Variants in MID1 observed in about 807,000 individuals in gnomAD.
The protein encoded by MID1 is midline 1.
MID1 carries 7 observed loss-of-function variants against 40.4 expected under a neutral mutation model. That is an observed-to-expected ratio of 0.17 (90% CI 0.10 to 0.33). The LOEUF (loss-of-function observed/expected upper bound fraction) is 0.33, where lower values mean the gene tolerates loss of function less well. Among genes scored for constraint, MID1 ranks in the 10% least tolerant of loss-of-function variants. The probability of loss-of-function intolerance (pLI) is 1.00; values close to 1 mark genes in which losing one functional copy is unlikely to be tolerated. For missense variants in MID1, 367 were observed against 558.5 expected (o/e 0.66, Z 3.46); for synonymous variants, 229 against 221.2 (o/e 1.04, Z -0.31).
chrX:10,648,999 C>A (rs187093574), intron 1 of MID1, among the ~76,000 whole-genome samples: 2 of 112,079 alleles, frequency 1.8e-5, no homozygotes, highest in African/African-American at 3.2e-5. Flanking sequence ...AAGTTCACAA[C>A]TTTGTTCATG....
intron 1 of MID1, among the ~76,000 whole-genome samples, chrX:10,676,749 AG>A (rs1401520684): frequency 9.0e-6 from 1 of 111,304 alleles, no homozygotes; most frequent in South Asian, 3.8e-4. Context: ...GAGGGGTGGA[AG>A]GGGGGTGTTT....
intron 1 of MID1, among the ~76,000 whole-genome samples, chrX:10,608,521 T>C (rs1209478126): frequency 1.8e-5 from 2 of 112,160 alleles, no homozygotes; most frequent in African/African-American, 6.5e-5. Flanking sequence ...GTTTATATTC[T>C]TGAAGTAGCA....
chrX:10,607,864 C>A (rs149374657), intron 1 of MID1, among the ~76,000 whole-genome samples: 3 of 112,020 alleles, frequency 2.7e-5, no homozygotes, highest in Non-Finnish European at 5.6e-5. Flanking sequence ...AACACAGTTT[C>A]TTTTTTGCTC....
At chrX:10,698,037 C>T (rs1407908731) in intron 1 of MID1, among the ~76,000 whole-genome samples, 4 of 112,466 alleles carry the variant, frequency 3.6e-5, no homozygotes, top group African/African-American at 1.3e-4. Flanking sequence ...GTGGGCTTCC[C>T]CAATTATTTC....
At chrX:10,731,518 T>A (rs2043448637) in intron 1 of MID1, among the ~76,000 whole-genome samples, 1 of 111,731 alleles carries the variant, frequency 9.0e-6, no homozygotes, top group Admixed American at 9.5e-5. Flanking sequence ...TTGAACTGAA[T>A]GAAAAAGAAA....
chrX:10,717,029 G>C (rs1431383013), intron 1 of MID1, among the ~76,000 whole-genome samples: 2 of 111,609 alleles, frequency 1.8e-5, no homozygotes, highest in Non-Finnish European at 3.8e-5. Context: ...TGCCCTAAAA[G>C]AGCTCCTGAA....
chrX:10,581,213 C>T (rs1935010189), intron 1 of MID1, among the ~76,000 whole-genome samples: 1 of 111,515 alleles, frequency 9.0e-6, no homozygotes, highest in African/African-American at 3.3e-5. Flanking sequence ...TGCGCCACTG[C>T]ACTCCAGCCT....
intron 1 of MID1, among the ~76,000 whole-genome samples, chrX:10,609,969 C>T (rs1215285262): frequency 1.8e-5 from 2 of 111,559 alleles, no homozygotes; most frequent in Non-Finnish European, 3.8e-5. Flanking sequence ...CCGCCCGCCT[C>T]GGCTTCCCAA....
At chrX:10,812,977 G>A (rs2044112322) in intron 1 of MID1, among the ~76,000 whole-genome samples, 2 of 111,204 alleles carry the variant, frequency 1.8e-5, no homozygotes, top group South Asian at 3.9e-4. Context: ...GCCTATTCTC[G>A]GAGACTAGTG....
intron 1 of MID1, among the ~76,000 whole-genome samples, chrX:10,588,888 C>G (rs1815070210): frequency 9.0e-6 from 1 of 111,720 alleles, no homozygotes; most frequent in African/African-American, 3.3e-5. Flanking sequence ...CAAGCCACCT[C>G]TAATGCTGGC....
intron 1 of MID1, among the ~76,000 whole-genome samples, chrX:10,601,820 T>A (rs375150971): frequency 1.8e-3 from 198 of 111,430 alleles, no homozygotes; most frequent in African/African-American, 6.1e-3. Context: ...AGCCTACCCC[T>A]GTTCCCTAGG....
intron 1 of MID1, among the ~76,000 whole-genome samples, chrX:10,728,682 T>C (rs1239696684): frequency 2.7e-5 from 3 of 111,877 alleles, no homozygotes; most frequent in Non-Finnish European, 3.8e-5. Context: ...CACATGCTCA[T>C]TACTATGTCT....
At chrX:10,493,822 T>A (rs986411889) in intron 4 of MID1, among the ~76,000 whole-genome samples, 3 of 112,318 alleles carry the variant, frequency 2.7e-5, no homozygotes, top group Non-Finnish European at 3.8e-5. Context: ...CAATTTAAAA[T>A]TAAAAATGAA....
chrX:10,784,749 G>A (rs770501766), intron 1 of MID1, among the ~76,000 whole-genome samples: 4 of 110,693 alleles, frequency 3.6e-5, no homozygotes, highest in South Asian at 7.8e-4. Flanking sequence ...CCTGGCCTAC[G>A]AGTTGTATTT....
chrX:10,661,599 C>T, intron 1 of MID1, among the ~76,000 whole-genome samples: 2 of 111,026 alleles, frequency 1.8e-5, no homozygotes, highest in East Asian at 5.7e-4. Context: ...AGGCATGAGC[C>T]ACCGCACCCG....
chrX:10,528,524 T>G (rs1383942212), intron 2 of MID1, among the ~76,000 whole-genome samples: 1 of 111,954 alleles, frequency 8.9e-6, no homozygotes, highest in African/African-American at 3.2e-5. Context: ...ACACAATGAC[T>G]CAATTCTGCT....
chrX:10,558,843 C>T (rs748640610), intron 2 of MID1, among the ~76,000 whole-genome samples: 1 of 112,732 alleles, frequency 8.9e-6, no homozygotes, highest in Non-Finnish European at 1.9e-5. Context: ...TACGTTTACA[C>T]AGCCACATGA....
chrX:10,801,353 A>C (rs1223982327), intron 1 of MID1, among the ~76,000 whole-genome samples: 2 of 111,954 alleles, frequency 1.8e-5, no homozygotes, highest in African/African-American at 6.5e-5. Context: ...AAACTTCATA[A>C]ACAAAATACA....
At chrX:10,713,060 C>T (rs2043279596) in intron 1 of MID1, among the ~76,000 whole-genome samples, 1 of 111,242 alleles carries the variant, frequency 9.0e-6, no homozygotes, top group Non-Finnish European at 1.9e-5. Context: ...TGGTCTCGAT[C>T]TCCTGACCTT....
Sources: gnomAD v4.1 joint callset for allele counts (sites outside exome capture counted in the v4.1 genomes callset) on GRCh38, gnomAD v4.1.1 for gene constraint, MANE v1.5 for transcripts, NCBI Gene and HGNC (gene_info 2026-07-23, HGNC 2026-07-21) for gene names.